NRG1: variants seen among roughly 807,000 people sequenced by gnomAD.
The protein encoded by NRG1 is pro-neuregulin-1, membrane-bound isoform.
In NRG1, 18 loss-of-function variants were observed where a neutral mutation model predicts 63.8. The observed-to-expected ratio is 0.28, with a 90% CI of 0.19 to 0.42. The LOEUF (loss-of-function observed/expected upper bound fraction) is 0.42. NRG1 is among the 10% of genes least tolerant of loss of function. NRG1 has a pLI of 1.00. For missense variants in NRG1, 762 were observed against 814.7 expected (o/e 0.94, Z 0.79); for synonymous variants, 302 against 301.3 (o/e 1.00, Z -0.02).
intron 1 of NRG1, among the ~76,000 whole-genome samples, chr8:31,690,030 A>G (rs1809328577): frequency 1.3e-5 from 2 of 152,156 alleles, no homozygotes; most frequent in Admixed American, 6.5e-5. Flanking sequence ...TGTGGGAGGT[A>G]ATTGAATCAT....
intron 1 of NRG1, among the ~76,000 whole-genome samples, chr8:32,464,727 G>A (rs2129489672): frequency 6.6e-6 from 1 of 152,138 alleles, no homozygotes; most frequent in African/African-American, 2.4e-5. Flanking sequence ...CAGAACTCAT[G>A]GATATCTATG....
Position 32,750,624 on chromosome 8 carries a change from T to C in NRG1, c.692-3748T>C, listed in dbSNP as rs577920924. 4.6e-5 allele frequency among the ~76,000 whole-genome samples: 7 copies of C among 151,106 alleles called. No homozygotes were observed. The East Asian group carries it at 9.8e-4, about 21-fold the overall frequency. On this transcript the variant is annotated intron_variant, in intron 7 of 11. Transcript: ENST00000356819. ...TGATAACATCACAGGCTGGACATAA[T>C]GTAGTTTCCAGACTTTGCGGGAAAT...
intron 1 of NRG1, among the ~76,000 whole-genome samples, chr8:32,450,711 T>C (rs1480377461): frequency 7.2e-5 from 11 of 152,148 alleles, no homozygotes; most frequent in Admixed American, 7.2e-4. Flanking sequence ...CCACTGCACC[T>C]GGTCTAGAAA....
chr8:32,609,045 T>G (rs891188256), intron 3 of NRG1, among the ~76,000 whole-genome samples: 4 of 152,020 alleles, frequency 2.6e-5, no homozygotes, highest in Non-Finnish European at 5.9e-5. Flanking sequence ...CTAGGGAGGG[T>G]GGAGCCGGAA....
intron 6 of NRG1, among the ~76,000 whole-genome samples, chr8:32,739,021 C>T (rs1414480330): frequency 1.3e-5 from 2 of 152,116 alleles, no homozygotes; most frequent in Non-Finnish European, 2.9e-5. Flanking sequence ...GCAGTGATTC[C>T]ATGTGTTAGA....
intron 1 of NRG1, among the ~76,000 whole-genome samples, chr8:32,271,291 A>G (rs1015104067): frequency 2.0e-5 from 3 of 152,152 alleles, no homozygotes; most frequent in African/African-American, 7.2e-5. Context: ...TCCTTCGAGT[A>G]TTTTCAAACT....
At chr8:32,606,139 CAT>C (rs948051142) in intron 3 of NRG1, among the ~76,000 whole-genome samples, 35 of 147,942 alleles carry the variant, frequency 2.4e-4, no homozygotes, top group East Asian at 7.8e-4. Context: ...GTATATATAA[CAT>C]ATGTATTATA....
intron 1 of NRG1, among the ~76,000 whole-genome samples, chr8:31,773,350 T>G (rs539369381): frequency 6.6e-6 from 1 of 152,264 alleles, no homozygotes; most frequent in African/African-American, 2.4e-5. Flanking sequence ...TCCTGTTCAT[T>G]TGAGTTTCAG....
At chr8:31,763,510 T>A (rs1817754233) in intron 1 of NRG1, among the ~76,000 whole-genome samples, 1 of 152,194 alleles carries the variant, frequency 6.6e-6, no homozygotes, top group Admixed American at 6.5e-5. Context: ...GTTTAAAAAC[T>A]TTCAACTGTC....
chr8:32,132,939 A>C lies in NRG1; in HGVS notation c.38-462889A>C, dbSNP rs550216251. On this transcript the variant is annotated intron_variant, in intron 1 of 10. Transcript: ENST00000519301. Reference sequence around the variant, plus strand: ...TGAGAAATAGACACTTTTGGGGAAGAAATTGGCCAGTCTTCCTTCCTTCCT... The same window carrying C: ...TGAGAAATAGACACTTTTGGGGAAGCAATTGGCCAGTCTTCCTTCCTTCCT... 4.6e-5 allele frequency among the ~76,000 whole-genome samples: 7 copies of C among 152,128 alleles called. No individual in the cohort carries two copies. In the South Asian group the frequency reaches 1.5e-3, roughly 32 times the overall value.
At chr8:31,657,526 G>A (rs1296560248) in intron 1 of NRG1, among the ~76,000 whole-genome samples, 1 of 152,096 alleles carries the variant, frequency 6.6e-6, no homozygotes, top group Non-Finnish European at 1.5e-5. Context: ...GTGGCCCAGG[G>A]TTTGTCCTGA....
chr8:31,773,637 C>A (rs772160791), intron 1 of NRG1, among the ~76,000 whole-genome samples: 2 of 152,112 alleles, frequency 1.3e-5, no homozygotes, highest in Non-Finnish European at 2.9e-5. Context: ...CATCACAAAG[C>A]CTTTGGCAGT....
intron 1 of NRG1, among the ~76,000 whole-genome samples, chr8:32,067,338 C>T (rs932852792): frequency 5.9e-5 from 9 of 152,056 alleles, no homozygotes; most frequent in African/African-American, 1.9e-4. Flanking sequence ...TCATAGACAG[C>T]GCTTATTATT....
intron 1 of NRG1, among the ~76,000 whole-genome samples, chr8:32,549,095 C>T (rs1833594084): frequency 6.6e-6 from 1 of 152,222 alleles, no homozygotes; most frequent in Admixed American, 6.5e-5. Flanking sequence ...GGGAGCGCTT[C>T]GCTCCCTGGC....
chr8:32,515,380 C>T lies in NRG1; in HGVS notation c.38-80448C>T, dbSNP rs73234117. ...AGTGATGTTGAGAATTTTTTTCATA[C>T]GTTTGGTAGCTGCTTGTATGTCTTC... is the stretch of plus-strand genomic sequence containing the variant. On this transcript the variant is annotated intron_variant, in intron 1 of 10. Transcript: ENST00000519301. 7.4e-3 allele frequency among the ~76,000 whole-genome samples: 1,118 copies of T among 152,068 alleles called. 5 individuals are homozygous for T. Among genetic ancestry groups the T allele is most frequent in the Non-Finnish European group, 9.7e-3 (661 of 67,966 alleles).
intron 1 of NRG1, among the ~76,000 whole-genome samples, chr8:32,314,427 A>AG (rs1225031798): frequency 8.1e-6 from 1 of 123,608 alleles, no homozygotes; most frequent in Admixed American, 9.1e-5. Flanking sequence ...TAACCGAGGG[A>AG]GGGAATGGCG....
At chr8:32,751,095 C>T (rs1828636868) in intron 7 of NRG1, 2 of 152,126 alleles carry the variant, frequency 1.3e-5, no homozygotes, top group Non-Finnish European at 2.9e-5. Flanking sequence ...ATATAACTTC[C>T]CCCTCAGTAA....
At chr8:32,530,374 T>C (rs1177437225) in intron 1 of NRG1, among the ~76,000 whole-genome samples, 1 of 152,168 alleles carries the variant, frequency 6.6e-6, no homozygotes, top group Non-Finnish European at 1.5e-5. Context: ...CCCAAAGTGC[T>C]GGGATTACAG....
At chr8:31,963,583 G>A (rs1805829684) in intron 1 of NRG1, among the ~76,000 whole-genome samples, 2 of 152,080 alleles carry the variant, frequency 1.3e-5, no homozygotes, top group African/African-American at 4.8e-5. Context: ...CCACATACGT[G>A]GTGGCTTTCA....
Sources: gnomAD v4.1 joint callset for allele counts (sites outside exome capture counted in the v4.1 genomes callset) on GRCh38, gnomAD v4.1.1 for gene constraint, MANE v1.5 for transcripts, NCBI Gene and HGNC (gene_info 2026-07-23, HGNC 2026-07-21) for gene names.